Variants in CSMD1 observed in about 807,000 individuals in gnomAD.
CSMD1 encodes the protein CUB and Sushi multiple domains 1.
In CSMD1, 213 loss-of-function variants were observed where a neutral mutation model predicts 417.5. The observed-to-expected ratio is 0.51, with a 90% CI of 0.46 to 0.57. The LOEUF (loss-of-function observed/expected upper bound fraction) is 0.57. Ranked by LOEUF, CSMD1 falls within the 20% of genes least tolerant of loss-of-function variation. CSMD1 has a pLI of 0.00. For synonymous variants in CSMD1, 2,862 were observed against 1,736.8 expected (o/e 1.65, Z -16.11); for missense variants, 6,923 against 4,529.7 (o/e 1.53, Z -15.17).
At chr8:3,175,686 GCTTCAGA>G (rs144786613) in intron 37 of CSMD1, among the ~76,000 whole-genome samples, 7,011 of 151,694 alleles carry the variant, frequency 0.046, 559 homozygotes, top group African/African-American at 0.16. Context: ...TACGAGCAGA[GCTTCAGA>G]CGTGGGAACA....
intron 1 of CSMD1, among the ~76,000 whole-genome samples, chr8:4,877,011 T>A (rs1803085176): frequency 6.6e-6 from 1 of 151,692 alleles, no homozygotes; most frequent in Admixed American, 6.6e-5. Flanking sequence ...GATAAAAGAG[T>A]TTCTCAGAAA....
intron 3 of CSMD1, among the ~76,000 whole-genome samples, chr8:4,313,411 G>A (rs10098267): frequency 6.6e-6 from 1 of 150,974 alleles, no homozygotes; most frequent in East Asian, 2.0e-4. Context: ...TTAGTGTGAA[G>A]ATGCCTGACG....
At chr8:4,677,728 G>C (rs1348664525) in intron 1 of CSMD1, among the ~76,000 whole-genome samples, 2 of 152,054 alleles carry the variant, frequency 1.3e-5, no homozygotes, top group Non-Finnish European at 2.9e-5. Flanking sequence ...TAGAGTTCTT[G>C]GCAGGCAACA....
chr8:4,488,559 G>A (rs919590575), intron 2 of CSMD1, among the ~76,000 whole-genome samples: 1 of 152,000 alleles, frequency 6.6e-6, no homozygotes, highest in Non-Finnish European at 1.5e-5. Flanking sequence ...CGGCAGCAGA[G>A]CCCCAAAAAT....
intron 1 of CSMD1, among the ~76,000 whole-genome samples, chr8:4,657,605 A>G (rs1487841422): frequency 6.6e-6 from 1 of 152,134 alleles, no homozygotes; most frequent in Non-Finnish European, 1.5e-5. Flanking sequence ...AATTCCCAAG[A>G]AGAATAAATA....
Position 3,542,558 on chromosome 8 carries a change from G to A in CSMD1, c.1344+32387C>T, listed in dbSNP as rs190934101. Among the ~76,000 whole-genome samples, 4 of 152,248 alleles carry A rather than the reference G, an allele frequency of 2.6e-5. No homozygotes were observed. In the East Asian group the frequency reaches 7.7e-4, roughly 29 times the overall value. On this transcript the variant is annotated intron_variant, in intron 10 of 69. Transcript: ENST00000635120. ...GGGACTGGGAAGGAACACGGAACAG[G>A]GTTATAGACAGGAAAGAGCGTACGT... is the stretch of plus-strand genomic sequence containing the variant.
At chr8:4,192,529 C>T (rs115626694) in intron 3 of CSMD1, among the ~76,000 whole-genome samples, 4 of 152,152 alleles carry the variant, frequency 2.6e-5, no homozygotes, top group Non-Finnish European at 4.4e-5. Context: ...CCTGACCTTT[C>T]AGCAACAGGG....
chr8:3,832,606 A>G (rs1223260142), intron 5 of CSMD1, among the ~76,000 whole-genome samples: 1 of 152,182 alleles, frequency 6.6e-6, no homozygotes, highest in African/African-American at 2.4e-5. Flanking sequence ...CACAGCAATG[A>G]TGGCATGGGT....
chr8:4,993,197 C>T (rs151065558), intron 1 of CSMD1, among the ~76,000 whole-genome samples: 28 of 151,908 alleles, frequency 1.8e-4, no homozygotes, highest in Admixed American at 5.2e-4. Context: ...AAGCAAGTGA[C>T]CATTGAAAAA....
chr8:3,932,207 C>T (rs1810199260), intron 5 of CSMD1, among the ~76,000 whole-genome samples: 1 of 150,106 alleles, frequency 6.7e-6, no homozygotes. Flanking sequence ...TACTTTGGTC[C>T]CATATCATGT....
intron 12 of CSMD1, among the ~76,000 whole-genome samples, chr8:3,416,170 G>C (rs1339855895): frequency 3.2e-5 from 1 of 31,080 alleles, no homozygotes; most frequent in Non-Finnish European, 1.1e-4. Flanking sequence ...GCGTGTTGGG[G>C]GGCGCCTGTA....
intron 40 of CSMD1, among the ~76,000 whole-genome samples, chr8:3,146,847 T>A (rs937734924): frequency 3.9e-5 from 6 of 152,122 alleles, no homozygotes; most frequent in African/African-American, 1.4e-4. Flanking sequence ...GCTCTGGGAG[T>A]AGAGTTAATC....
At chr8:3,879,137 G>C (rs1021501437) in intron 5 of CSMD1, among the ~76,000 whole-genome samples, 4 of 152,064 alleles carry the variant, frequency 2.6e-5, no homozygotes, top group Non-Finnish European at 5.9e-5. Flanking sequence ...CAATCATTTT[G>C]TTTTATTAGT....
intron 4 of CSMD1, among the ~76,000 whole-genome samples, chr8:4,025,461 C>A (rs568438222): frequency 6.6e-6 from 1 of 152,280 alleles, no homozygotes; most frequent in East Asian, 1.9e-4. Flanking sequence ...GTATGGGAAA[C>A]ATAAAGCAAA....
At chr8:4,402,812 T>C (rs1314320940) in intron 3 of CSMD1, among the ~76,000 whole-genome samples, 25 of 58,890 alleles carry the variant, frequency 4.2e-4, no homozygotes, top group Admixed American at 1.7e-3. Flanking sequence ...TTTTTTTTTT[T>C]TTTTTTTTCT....
chr8:4,516,538 T>C (rs896437400), intron 2 of CSMD1, among the ~76,000 whole-genome samples: 11 of 152,122 alleles, frequency 7.2e-5, no homozygotes, highest in Non-Finnish European at 1.2e-4. Flanking sequence ...CATTCTCCCC[T>C]GCTTGGTGTG....
intron 68 of CSMD1, among the ~76,000 whole-genome samples, chr8:2,947,309 T>A (rs963935428): frequency 1.3e-5 from 2 of 152,232 alleles, no homozygotes; most frequent in Non-Finnish European, 2.9e-5. Flanking sequence ...TTTTTTGGTT[T>A]ATCTACTGAC....
chr8:4,214,297 A>C (rs897333506), intron 3 of CSMD1, among the ~76,000 whole-genome samples: 2 of 152,150 alleles, frequency 1.3e-5, no homozygotes, highest in Non-Finnish European at 2.9e-5. Flanking sequence ...TAGTAGTAAT[A>C]GTATTAGTTT....
chr8:3,946,582 T>C (rs965492502), intron 5 of CSMD1, among the ~76,000 whole-genome samples: 3 of 152,228 alleles, frequency 2.0e-5, no homozygotes, highest in African/African-American at 7.2e-5. Flanking sequence ...AACAAATAAA[T>C]GATACATCCT....
Sources: allele counts gnomAD v4.1 joint callset (sites outside exome capture counted in the v4.1 genomes callset), GRCh38; gene constraint gnomAD v4.1.1; transcripts MANE v1.5; gene names NCBI Gene and HGNC (gene_info 2026-07-23, HGNC 2026-07-21).